CIMIP4: variants seen among roughly 807,000 people sequenced by gnomAD.
CIMIP4 encodes ciliary microtubule inner protein 4.
At chr22:36,993,134 C>T in the CIMIP4 span, among the ~76,000 whole-genome samples, 1 of 151,658 alleles carries the variant, frequency 6.6e-6, no homozygotes, top group African/African-American at 2.4e-5. Flanking sequence ...GCCTCAGCCT[C>T]CTGAGTAGCT....
the CIMIP4 span, chr22:37,007,724 C>T: frequency 3.7e-4 from 57 of 152,404 alleles, no homozygotes; most frequent in African/African-American, 1.4e-3. Flanking sequence ...AAGTCTCTGC[C>T]TCACCTCTCC....
the CIMIP4 span, among the ~76,000 whole-genome samples, chr22:37,006,162 G>A: frequency 8.5e-5 from 13 of 152,306 alleles, no homozygotes; most frequent in East Asian, 2.1e-3. Context: ...AAGTTTTACT[G>A]TTGAGAAAAT....
At chr22:37,007,380 G>C in the CIMIP4 span, 2 of 152,222 alleles carry the variant, frequency 1.3e-5, no homozygotes, top group South Asian at 4.1e-4. Flanking sequence ...GACTTCACCA[G>C]GTGGGGCTAA....
At chr22:36,994,156 A>G in the CIMIP4 span, among the ~76,000 whole-genome samples, 1 of 152,234 alleles carries the variant, frequency 6.6e-6, no homozygotes, top group South Asian at 2.1e-4. Flanking sequence ...GGACAAATGG[A>G]CAAAGCTGCT....
chr22:37,003,107 T>A, the CIMIP4 span, among the ~76,000 whole-genome samples: 30 of 152,098 alleles, frequency 2.0e-4, no homozygotes, highest in Admixed American at 1.3e-4. Flanking sequence ...GCTGGGCATC[T>A]TGGCCGTCAG....
chr22:36,991,605 T>G, the CIMIP4 span: 2 of 1,612,656 alleles, frequency 1.2e-6, no homozygotes, highest in Non-Finnish European at 1.7e-6. Context: ...TAGAATACCA[T>G]GAAGAAACCC....
chr22:37,004,710 C>G, the CIMIP4 span, among the ~76,000 whole-genome samples: 1 of 149,628 alleles, frequency 6.7e-6, no homozygotes, highest in African/African-American at 2.5e-5. Context: ...TTTTTTGAGA[C>G]AGGGTCTTAC....
the CIMIP4 span, chr22:36,999,752 T>TA: frequency 6.6e-7 from 1 of 1,511,466 alleles, no homozygotes; most frequent in Non-Finnish European, 8.9e-7. Context: ...CTAGACCCCA[T>TA]ATGGAGTGGA....
At chr22:36,999,547 G>A in the CIMIP4 span, among the ~76,000 whole-genome samples, 1 of 28,074 alleles carries the variant, frequency 3.6e-5, no homozygotes, top group Non-Finnish European at 6.2e-5. Context: ...GGAGGGGAGG[G>A]GAGAGAAGGG....
chr22:37,001,068 G>A, the CIMIP4 span, among the ~76,000 whole-genome samples: 2 of 152,206 alleles, frequency 1.3e-5, no homozygotes, highest in East Asian at 1.9e-4. Context: ...TGAGATGGTG[G>A]CTTTAAAAAT....
At chr22:37,003,895 C>G in the CIMIP4 span, 1 of 1,474,452 alleles carries the variant, frequency 6.8e-7, no homozygotes. Context: ...GGGCCGGTGC[C>G]CTGCTGCCCC....
chr22:37,004,862 A>G, the CIMIP4 span, among the ~76,000 whole-genome samples: 1 of 151,906 alleles, frequency 6.6e-6, no homozygotes, highest in Admixed American at 6.6e-5. Flanking sequence ...TAATTTTTGT[A>G]TTTTTAGTAG....
At chr22:37,002,089 G>A in the CIMIP4 span, 1 of 1,589,080 alleles carries the variant, frequency 6.3e-7, no homozygotes, top group African/African-American at 1.3e-5. Context: ...AATCCCTGCT[G>A]GCAGCAGTCG....
chr22:36,999,815 C>T, the CIMIP4 span: 2 of 1,603,108 alleles, frequency 1.2e-6, no homozygotes, highest in African/African-American at 1.3e-5. Flanking sequence ...GTGTTCACGG[C>T]CCCACCCTTG....
chr22:37,000,053 A>T, the CIMIP4 span: 1 of 1,540,862 alleles, frequency 6.5e-7, no homozygotes, highest in Non-Finnish European at 8.7e-7. Context: ...TCTCCCTCCA[A>T]CTCCTCCTCC....
the CIMIP4 span, among the ~76,000 whole-genome samples, chr22:36,995,942 T>A: frequency 6.6e-6 from 1 of 152,210 alleles, no homozygotes; most frequent in Non-Finnish European, 1.5e-5. Flanking sequence ...GGATGCCTGT[T>A]TTTCCTGCTT....
At chr22:36,992,414 TAAGCA>T in the CIMIP4 span, among the ~76,000 whole-genome samples, 3 of 152,196 alleles carry the variant, frequency 2.0e-5, no homozygotes, top group Middle Eastern at 3.4e-3. Flanking sequence ...AATAAAAATA[TAAGCA>T]AAGAGTAAGA....
chr22:37,000,040 A>T, the CIMIP4 span: 102 of 1,565,400 alleles, frequency 6.5e-5, no homozygotes, highest in African/African-American at 1.3e-3. Context: ...TTCAAGCCCC[A>T]TATCTCCCTC....
At chr22:37,001,763 G>A in the CIMIP4 span, 1 of 1,386,194 alleles carries the variant, frequency 7.2e-7, no homozygotes, top group South Asian at 1.5e-5. Context: ...TAGGGACTCT[G>A]TACTCAAGAG....
Sources: gnomAD v4.1 joint callset for allele counts (sites outside exome capture counted in the v4.1 genomes callset) on GRCh38, gnomAD v4.1.1 for gene constraint, MANE v1.5 for transcripts, NCBI Gene and HGNC (gene_info 2026-07-23, HGNC 2026-07-21) for gene names.